ZNF695: variants seen among roughly 807,000 people sequenced by gnomAD.
The protein encoded by ZNF695 is zinc finger protein SBZF3.
A neutral mutation model predicts 11.2 loss-of-function variants in ZNF695; 11 were observed. That is an observed-to-expected ratio of 0.98 (90% CI 0.62 to 1.62). ZNF695 has a LOEUF of 1.62. Among genes scored for constraint, ZNF695 ranks in the 40% most tolerant of loss-of-function variants. The probability of loss-of-function intolerance (pLI) is 0.00; values close to 1 mark genes in which losing one functional copy is unlikely to be tolerated. For missense variants in ZNF695, 559 were observed against 590.5 expected, an observed-to-expected ratio of 0.95 and a Z score of 0.55; for synonymous variants, 190 against 201.4, an observed-to-expected ratio of 0.94 and a Z score of 0.48.
At chr1:246,950,265 A>T in intron 5 of ZNF695, among the ~76,000 whole-genome samples, 1 of 152,208 alleles carries the variant, frequency 6.6e-6, no homozygotes, top group East Asian at 1.9e-4. Flanking sequence ...GCTTGAATAT[A>T]CAACTAGGAA....
chr1:246,983,854 C>G (rs191940998), downstream of ZNF695, among the ~76,000 whole-genome samples: 1 of 151,442 alleles, frequency 6.6e-6, no homozygotes, highest in African/African-American at 2.4e-5. Flanking sequence ...TCTATCATCA[C>G]ATTAAAAAAT....
intron 1 of ZNF695, among the ~76,000 whole-genome samples, chr1:247,004,742 T>C (rs1669487278): frequency 6.6e-6 from 1 of 152,202 alleles, no homozygotes. Flanking sequence ...AGTGGTAGGA[T>C]ACAATACTAA....
chr1:246,999,432 T>G lies in ZNF695; in HGVS notation c.175A>C (p.Met59Leu), dbSNP rs201180849. 4.3e-6 allele frequency: 7 copies of G among 1,613,362 alleles called. No individual in the cohort carries two copies. The highest frequency in any genetic ancestry group is 5.9e-6 in the Non-Finnish European group (7 of 1,179,662). ...NMQFLFHSLA[M>L]SKPELIICLE... ...CAGATGATCAGTTCTGGCTTAGACA[T>G]AGCAAGACCTGTTTTATTAGAAAAA... The change falls in exon 3 of 4, where the codon ATG becomes CTG. Residue 59 changes from methionine (M) to leucine (L), a missense_variant. By Grantham distance (15) the Met-to-Leu change is conservative. Transcript: ENST00000339986.
At chr1:246,947,227 C>G (rs1420627865) in intron 5 of ZNF695, among the ~76,000 whole-genome samples, 2 of 144,852 alleles carry the variant, frequency 1.4e-5, no homozygotes, top group Non-Finnish European at 3.0e-5. Context: ...AGAGACAGAC[C>G]CTCCCTTTGT....
intron 5 of ZNF695, among the ~76,000 whole-genome samples, chr1:246,961,708 C>CTA (rs1013247282): frequency 1.3e-5 from 2 of 152,200 alleles, no homozygotes; most frequent in Non-Finnish European, 2.9e-5. Context: ...ATGCTTTAGA[C>CTA]TATTTTCTTG....
intron 3 of ZNF695, among the ~76,000 whole-genome samples, chr1:246,991,099 A>T (rs1297429631): frequency 6.6e-6 from 1 of 152,216 alleles, no homozygotes; most frequent in Non-Finnish European, 1.5e-5. Context: ...AAAAATAATG[A>T]AGATCAGAGC....
At position 246,988,276 on chromosome 1, in the gene ZNF695, A is replaced by C. The variant is rs934548967; in HGVS notation, c.260-21T>G. 7.3e-6 allele frequency: 11 copies of C among 1,509,650 alleles called. No individual in the cohort carries two copies. In the African/African-American group the frequency reaches 1.3e-4, roughly 17 times the overall value. The allele number at this position is 1,509,650 out of a possible 1,614,324, so 93.5% of individuals were successfully genotyped here. On this transcript the variant is annotated intron_variant, in intron 3 of 3. Coordinates refer to ENST00000339986, the MANE Select transcript of ZNF695 (RefSeq NM_020394.5). ...CAAAACTGGAAAAAATAAAAACAAC[A>C]AATTATTCCACTTACTAGATAGCAT...
chr1:246,969,114 T>C (rs1691250), intron 4 of ZNF695: 98,574 of 152,174 alleles, frequency 0.65, 34,064 homozygotes, highest in African/African-American at 0.91. Context: ...AATACATGGC[T>C]AGGCTGCACA....
intron 3 of ZNF695, 39 bp downstream of exon 3, chr1:246,999,309 C>G (rs3749428): frequency 0.046 from 69,720 of 1,522,148 alleles, 2,006 homozygotes; most frequent in South Asian, 0.11. Flanking sequence ...CTTGATCCTT[C>G]AACCCCTACC....
intron 1 of ZNF695, among the ~76,000 whole-genome samples, chr1:247,004,745 A>G (rs377426778): frequency 1.3e-5 from 2 of 152,248 alleles, no homozygotes; most frequent in East Asian, 1.9e-4. Flanking sequence ...GGTAGGATAC[A>G]ATACTAACAT....
At chr1:246,984,700 A>T (rs1668802569), downstream of ZNF695, among the ~76,000 whole-genome samples, 1 of 152,248 alleles carries the variant, frequency 6.6e-6, no homozygotes, top group African/African-American at 2.4e-5. Flanking sequence ...CAATAACAAA[A>T]AAAGTTGGCT....
At chr1:246,981,314 A>G (rs184480234), downstream of ZNF695, among the ~76,000 whole-genome samples, 51 of 152,336 alleles carry the variant, frequency 3.3e-4, 1 homozygote, top group African/African-American at 1.2e-3. Flanking sequence ...CAAAAACAGT[A>G]TGATGATTTC....
intron 4 of ZNF695, among the ~76,000 whole-genome samples, chr1:246,972,331 C>A (rs561471413): frequency 6.6e-6 from 1 of 152,220 alleles, no homozygotes; most frequent in Non-Finnish European, 1.5e-5. Flanking sequence ...AGCAACCCCC[C>A]AAGTGGTTGC....
intron 3 of ZNF695, among the ~76,000 whole-genome samples, chr1:246,998,522 C>G (rs1188723206): frequency 1.3e-5 from 2 of 152,146 alleles, no homozygotes; most frequent in African/African-American, 2.4e-5. Context: ...AAATTACTAT[C>G]AATTTCTGTA....
intron 5 of ZNF695, among the ~76,000 whole-genome samples, chr1:246,959,301 A>AT (rs1558304395): frequency 5.4e-4 from 38 of 70,246 alleles, no homozygotes; most frequent in Non-Finnish European, 8.6e-4. Context: ...AAAAAAAAAA[A>AT]AAAAAAAAAA....
At position 246,987,056 on chromosome 1, in the gene ZNF695, T is replaced by C. The variant is rs779323886; in HGVS notation, c.1459A>G (p.Thr487Ala). The C allele has an allele frequency of 1.2e-5, 20 of 1,613,980 alleles. No individual in the cohort carries two copies. Among genetic ancestry groups the C allele is most frequent in the South Asian group, 5.5e-5 (5 of 91,074 alleles). ...TCACACTTGTATGGTTTCTCTCTGG[T>C]ATGAATTGTCTTATGTTTAGAAAGG... ...SHLSKHKTIHTREKPYKCEEC... is the reference protein window; with the variant it reads ...SHLSKHKTIHAREKPYKCEEC... The change falls in exon 4 of 4, where the codon ACC (threonine) becomes GCC (alanine). Residue 487 changes from threonine to alanine, a missense_variant. Thr to Ala is a moderately conservative substitution (Grantham distance 58, BLOSUM62 0). Coordinates refer to ENST00000339986, the MANE Select transcript of ZNF695 (RefSeq NM_020394.5).
intron 4 of ZNF695, among the ~76,000 whole-genome samples, chr1:246,975,000 C>G (rs2103014768): frequency 6.6e-6 from 1 of 152,328 alleles, no homozygotes; most frequent in East Asian, 1.9e-4. Flanking sequence ...TCAGAGAGTT[C>G]TTCCCTTCCG....
intron 1 of ZNF695, among the ~76,000 whole-genome samples, chr1:247,005,980 C>T (rs1267823921): frequency 4.6e-5 from 7 of 152,126 alleles, no homozygotes; most frequent in South Asian, 2.1e-4. Context: ...AATCCCAGCA[C>T]TTTGGGAGGC....
chr1:246,947,205 G>GT lies in ZNF695; in HGVS notation c.489-1379_489-1378insA, dbSNP rs1425936312. Reference sequence around the variant, plus strand: ...GGTTTTTTATTTTTTTTGGGGGGGTGGTTTTTTTTTTAGAGACAGACCCTC... The same window carrying GT: ...GGTTTTTTATTTTTTTTGGGGGGGTGTGTTTTTTTTTTAGAGACAGACCCTC... On this transcript the variant is annotated intron_variant, in intron 5 of 5. Transcript: ENST00000487338. Among the ~76,000 whole-genome samples, 18 of 103,504 alleles carry GT rather than the reference G, an allele frequency of 1.7e-4. No individual in the cohort carries two copies. In the East Asian group the frequency reaches 5.2e-3, roughly 30 times the overall value. 67.9% of individuals were successfully genotyped at this position (103,504 alleles called of 152,430 possible).
Sources: gnomAD v4.1 joint callset for allele counts (sites outside exome capture counted in the v4.1 genomes callset) on GRCh38, gnomAD v4.1.1 for gene constraint, MANE v1.5 for transcripts, NCBI Gene and HGNC (gene_info 2026-07-23, HGNC 2026-07-21) for gene names.